CNTNAP5: variants seen among roughly 807,000 people sequenced by gnomAD.
CNTNAP5 encodes contactin associated protein family member 5.
A neutral mutation model predicts 150.2 loss-of-function variants in CNTNAP5; 72 were observed. The observed-to-expected ratio is 0.48, with a 90% confidence interval of 0.40 to 0.58. CNTNAP5 has a LOEUF of 0.58. Ranked by LOEUF, CNTNAP5 falls within the 20% of genes least tolerant of loss-of-function variation. CNTNAP5 has a pLI of 0.00. For missense variants in CNTNAP5, 1,636 were observed against 1,626.2 expected (o/e 1.01, Z -0.10); for synonymous variants, 672 against 619.8 (o/e 1.08, Z -1.25).
intron 19 of CNTNAP5, among the ~76,000 whole-genome samples, chr2:124,854,353 A>G (rs1018260313): frequency 6.6e-6 from 1 of 152,192 alleles, no homozygotes; most frequent in Non-Finnish European, 1.5e-5. Context: ...CCATTTCATT[A>G]TGAATATTCT....
rs554972409 is a variant in CNTNAP5 at position 124,352,284 on chromosome 2, T to C, written c.382-65159T>C. ...TTGAAGGGAATAAGAAGAAAATTAA[T>C]ATGAAGTGTTTATTACATGTCCAGT... On this transcript the variant is annotated intron_variant, in intron 3 of 23. Transcript: ENST00000682447. 2.0e-5 allele frequency among the ~76,000 whole-genome samples: 3 copies of C among 152,284 alleles called. No individual in the cohort carries two copies. In the East Asian group the frequency reaches 5.8e-4, roughly 29 times the overall value.
At chr2:124,871,068 C>T (rs1677736345) in intron 21 of CNTNAP5, among the ~76,000 whole-genome samples, 1 of 148,810 alleles carries the variant, frequency 6.7e-6, no homozygotes, top group Non-Finnish European at 1.5e-5. Flanking sequence ...ATTCCATTCA[C>T]AGTCCTAATA....
chr2:124,159,395 T>C lies in CNTNAP5; in HGVS notation c.83-62310T>C, dbSNP rs548644303. ...CTCTGTTGTAATATCAGGAAAGCCATAGACAATATGTAAATGAATGAGAGT... is the reference window on the plus strand; with the variant it reads ...CTCTGTTGTAATATCAGGAAAGCCACAGACAATATGTAAATGAATGAGAGT... On this transcript the variant is annotated intron_variant, in intron 1 of 23. Coordinates refer to ENST00000682447, the MANE Select transcript of CNTNAP5 (RefSeq NM_001367498.1). Among the ~76,000 whole-genome samples the C allele has an allele frequency of 1.6e-4, 25 of 152,314 alleles. No individual in the cohort carries two copies. The South Asian group carries it at 5.2e-3, about 32-fold the overall frequency.
intron 1 of CNTNAP5, among the ~76,000 whole-genome samples, chr2:124,177,373 G>C (rs1485902704): frequency 6.6e-6 from 1 of 152,012 alleles, no homozygotes; most frequent in African/African-American, 2.4e-5. Context: ...CTCCAACAAC[G>C]GGCAGACAGC....
At chr2:124,468,231 C>T (rs969721577) in intron 6 of CNTNAP5, among the ~76,000 whole-genome samples, 2 of 152,054 alleles carry the variant, frequency 1.3e-5, no homozygotes, top group African/African-American at 2.4e-5. Context: ...CAAGGTGAAG[C>T]CCCATGGTAG....
At chr2:124,108,495 ATC>A (rs1368015141) in intron 1 of CNTNAP5, among the ~76,000 whole-genome samples, 34 of 152,290 alleles carry the variant, frequency 2.2e-4, no homozygotes, top group African/African-American at 8.2e-4. Flanking sequence ...CTCTCAGGCC[ATC>A]TCTCTGTCTC....
intron 18 of CNTNAP5, among the ~76,000 whole-genome samples, chr2:124,794,298 C>G (rs1283772650): frequency 1.3e-5 from 2 of 152,174 alleles, no homozygotes; most frequent in African/African-American, 4.8e-5. Flanking sequence ...ACCTCAACCT[C>G]AAGATTCCGT....
At chr2:124,770,859 G>A (rs766244068) in intron 16 of CNTNAP5, among the ~76,000 whole-genome samples, 3 of 152,306 alleles carry the variant, frequency 2.0e-5, no homozygotes, top group South Asian at 2.1e-4. Flanking sequence ...ATCAGGATTC[G>A]TGTCTAAATA....
At position 124,917,527 on chromosome 2, in the gene CNTNAP5, A is replaced by G. The variant is rs572184933; in HGVS notation, c.*3239A>G. Among the ~76,000 whole-genome samples, 1 of 152,214 alleles carries G rather than the reference A, an allele frequency of 6.6e-6. No homozygotes were observed. Among genetic ancestry groups the G allele is most frequent in the South Asian group, 2.1e-4 (1 of 4,832 alleles). Reference sequence around the variant, plus strand: ...CTTCTATTTACCCTCTGCTGTATGCAGAAGATTTTAAGGATCCTAGCGGTG... The same window carrying G: ...CTTCTATTTACCCTCTGCTGTATGCGGAAGATTTTAAGGATCCTAGCGGTG... On this transcript the variant is annotated 3_prime_UTR_variant, in exon 24 of 24. Coordinates refer to ENST00000682447, the MANE Select transcript of CNTNAP5 (RefSeq NM_001367498.1).
intron 3 of CNTNAP5, among the ~76,000 whole-genome samples, chr2:124,243,774 T>A (rs1253925819): frequency 5.9e-5 from 9 of 152,024 alleles, no homozygotes; most frequent in Admixed American, 5.9e-4. Context: ...AATTTACCCA[T>A]GTAACAAACC....
chr2:124,183,195 A>G lies in CNTNAP5; in HGVS notation c.83-38510A>G, dbSNP rs115488765. On this transcript the variant is annotated intron_variant, in intron 1 of 23. Transcript: ENST00000682447. ...TGGCTATAGTGACTGGCATTTAATA[A>G]ACATTCCATTAGTGGTAGAATACGG... 4.2e-3 allele frequency among the ~76,000 whole-genome samples: 633 copies of G among 152,286 alleles called. 6 individuals are homozygous for G. The highest frequency in any genetic ancestry group is 0.015 in the African/African-American group (612 of 41,562).
At chr2:124,531,242 G>A (rs1210904849) in intron 10 of CNTNAP5, among the ~76,000 whole-genome samples, 2 of 152,112 alleles carry the variant, frequency 1.3e-5, no homozygotes, top group Non-Finnish European at 2.9e-5. Context: ...TAATGCTGAA[G>A]TTGATCTGAT....
intron 11 of CNTNAP5, among the ~76,000 whole-genome samples, chr2:124,566,293 C>T (rs183190105): frequency 5.9e-5 from 9 of 152,292 alleles, no homozygotes; most frequent in African/African-American, 9.6e-5. Flanking sequence ...ACAACATTCC[C>T]GTGACTGTTA....
intron 13 of CNTNAP5, among the ~76,000 whole-genome samples, chr2:124,678,710 T>C (rs1678999000): frequency 6.6e-6 from 1 of 151,880 alleles, no homozygotes; most frequent in Non-Finnish European, 1.5e-5. Context: ...ATTTTTGTCA[T>C]GGCCTCCTTC....
chr2:124,078,525 G>A (rs180824318), intron 1 of CNTNAP5, among the ~76,000 whole-genome samples: 175 of 152,238 alleles, frequency 1.1e-3, no homozygotes, highest in Admixed American at 8.8e-3. Flanking sequence ...TTCAAATTAT[G>A]ACTTGGCCTA....
At chr2:124,637,242 G>A (rs946487787) in intron 12 of CNTNAP5, among the ~76,000 whole-genome samples, 1 of 152,086 alleles carries the variant, frequency 6.6e-6, no homozygotes, top group Non-Finnish European at 1.5e-5. Context: ...CTTTAATCTG[G>A]AAGGCCCAAC....
intron 13 of CNTNAP5, among the ~76,000 whole-genome samples, chr2:124,733,535 G>T (rs1025183017): frequency 2.0e-5 from 3 of 151,780 alleles, no homozygotes; most frequent in African/African-American, 7.3e-5. Context: ...CAAACTAAAC[G>T]AACAAGATTT....
chr2:124,667,890 C>T (rs986043778), intron 13 of CNTNAP5, among the ~76,000 whole-genome samples: 4 of 152,194 alleles, frequency 2.6e-5, no homozygotes, highest in Admixed American at 2.0e-4. Context: ...ATCCTTGAGA[C>T]AGGTTTGCTT....
intron 19 of CNTNAP5, among the ~76,000 whole-genome samples, chr2:124,846,368 C>T (rs1683047809): frequency 6.6e-6 from 1 of 152,106 alleles, no homozygotes; most frequent in Non-Finnish European, 1.5e-5. Context: ...TTTGATTGGA[C>T]TGCTGAGACT....
Sources: allele counts gnomAD v4.1 joint callset (sites outside exome capture counted in the v4.1 genomes callset), GRCh38; gene constraint gnomAD v4.1.1; transcripts MANE v1.5; gene names NCBI Gene and HGNC (gene_info 2026-07-23, HGNC 2026-07-21).